The following MAN1A1 variants were observed in gnomAD, a reference collection of about 807,000 sequenced individuals.
MAN1A1 encodes mannosidase alpha class 1A member 1.
A neutral mutation model predicts 70.8 loss-of-function variants in MAN1A1; 29 were observed. The observed-to-expected ratio is 0.41, with a 90% CI of 0.31 to 0.56. MAN1A1 has a LOEUF of 0.56. MAN1A1 is among the 20% of genes least tolerant of loss of function. The pLI, the probability that MAN1A1 is intolerant of heterozygous loss-of-function variation, is 0.29. For synonymous variants in MAN1A1, 349 were observed against 330.1 expected, an observed-to-expected ratio of 1.06 and a Z score of -0.62; for missense variants, 747 against 841.3, an observed-to-expected ratio of 0.89 and a Z score of 1.39.
At chr6:119,265,102 A>ATTT (rs5879494) in intron 5 of MAN1A1, among the ~76,000 whole-genome samples, 1 of 141,514 alleles carries the variant, frequency 7.1e-6, no homozygotes, top group African/African-American at 2.7e-5. Flanking sequence ...CCTTTTTTAA[A>ATTT]TTTTTTTTTT....
chr6:119,193,171 G>GA lies in MAN1A1; in HGVS notation c.1326+605dup, dbSNP rs963053685. 9.3e-5 allele frequency among the ~76,000 whole-genome samples: 14 copies of GA among 150,542 alleles called. No individual in the cohort carries two copies. The South Asian group carries it at 2.1e-3, about 22-fold the overall frequency. On this transcript the variant is annotated intron_variant, in intron 9 of 12. Transcript: ENST00000368468. ...TAATAATCTCAAGTACTGTGAGAGA[G>GA]AAAAAAACCCAACTCCACCGCTTCA...
At chr6:119,281,271 C>G (rs1479921481) in intron 5 of MAN1A1, among the ~76,000 whole-genome samples, 4 of 152,138 alleles carry the variant, frequency 2.6e-5, no homozygotes, top group African/African-American at 9.7e-5. Context: ...GGACTCTTGA[C>G]AAAGTTATCT....
chr6:119,237,372 T>A (rs760435209), intron 6 of MAN1A1, among the ~76,000 whole-genome samples: 1 of 152,126 alleles, frequency 6.6e-6, no homozygotes, highest in Non-Finnish European at 1.5e-5. Flanking sequence ...CTAGGTGTGG[T>A]GGTGGCTCAC....
chr6:119,300,171 T>C (rs1772348781), intron 4 of MAN1A1, among the ~76,000 whole-genome samples: 1 of 152,162 alleles, frequency 6.6e-6, no homozygotes, highest in Non-Finnish European at 1.5e-5. Flanking sequence ...GTTTCATACA[T>C]AGCTAAAGAA....
chr6:119,325,988 T>C (rs1451434553), intron 2 of MAN1A1, among the ~76,000 whole-genome samples: 2 of 152,192 alleles, frequency 1.3e-5, no homozygotes, highest in Admixed American at 6.5e-5. Flanking sequence ...CAGTTTATGT[T>C]TGTTGAACAT....
chr6:119,286,422 C>T (rs1562226236), intron 5 of MAN1A1, among the ~76,000 whole-genome samples: 1 of 152,088 alleles, frequency 6.6e-6, no homozygotes, highest in Non-Finnish European at 1.5e-5. Flanking sequence ...ATCCTACTCC[C>T]CTCTGTGTTT....
chr6:119,257,303 C>T (rs565865182), intron 5 of MAN1A1, among the ~76,000 whole-genome samples: 1 of 152,130 alleles, frequency 6.6e-6, no homozygotes, highest in East Asian at 1.9e-4. Flanking sequence ...CCTTAAATAC[C>T]AGGAAGAGAA....
At chr6:119,269,268 G>T in intron 5 of MAN1A1, 2 of 285,344 alleles carry the variant, frequency 7.0e-6, no homozygotes, top group Non-Finnish European at 1.4e-5. Context: ...CTCTTCTCCT[G>T]GGTGGCTGTC....
chr6:119,340,423 T>G (rs1209010511), intron 2 of MAN1A1, among the ~76,000 whole-genome samples: 1 of 152,120 alleles, frequency 6.6e-6, no homozygotes, highest in Admixed American at 6.5e-5. Context: ...TCCTGTCACT[T>G]AGAAGAATTG....
At chr6:119,309,535 G>A (rs1582791908) in intron 2 of MAN1A1, among the ~76,000 whole-genome samples, 4 of 152,212 alleles carry the variant, frequency 2.6e-5, no homozygotes, top group African/African-American at 9.6e-5. Context: ...CTCTTCACAG[G>A]CTCCTTAGGT....
At chr6:119,196,092 C>T (rs569782525) in intron 8 of MAN1A1, among the ~76,000 whole-genome samples, 2 of 152,066 alleles carry the variant, frequency 1.3e-5, no homozygotes, top group African/African-American at 2.4e-5. Context: ...AGGATCCAGA[C>T]GTGTCATTTG....
At chr6:119,242,134 G>GACACACACACACACACAC (rs139698571) in intron 6 of MAN1A1, among the ~76,000 whole-genome samples, 38,807 of 150,476 alleles carry the variant, frequency 0.26, 5,918 homozygotes, top group Non-Finnish European at 0.34. Context: ...CAGACAGACA[G>GACACACACACACACACAC]ACACACACAC....
At chr6:119,313,132 G>A (rs1426681115) in intron 2 of MAN1A1, among the ~76,000 whole-genome samples, 1 of 152,124 alleles carries the variant, frequency 6.6e-6, no homozygotes, top group African/African-American at 2.4e-5. Context: ...AGCAATTACG[G>A]GAAAGGAAAG....
rs539111434 is a variant in MAN1A1, at chr6:119,204,030, G to A, written c.1116+729C>T. On this transcript the variant is annotated intron_variant, in intron 7 of 12. Coordinates refer to ENST00000368468, the MANE Select transcript of MAN1A1 (RefSeq NM_005907.4). ...TGTTGAGGAGGACACAAAAAAGACAGAAGGAGCATCCAGCAAAAGAGGAGA... is the reference window on the plus strand; with the variant it reads ...TGTTGAGGAGGACACAAAAAAGACAAAAGGAGCATCCAGCAAAAGAGGAGA... 5.3e-5 allele frequency among the ~76,000 whole-genome samples: 8 copies of A among 152,280 alleles called. No individual in the cohort carries two copies. In the South Asian group the frequency reaches 1.7e-3, roughly 32 times the overall value.
chr6:119,330,348 T>C (rs1300249595), intron 2 of MAN1A1, among the ~76,000 whole-genome samples: 1 of 152,106 alleles, frequency 6.6e-6, no homozygotes, highest in African/African-American at 2.4e-5. Flanking sequence ...AGAAAACCCG[T>C]GACCCAATCA....
chr6:119,193,885 T>C lies in MAN1A1; in HGVS notation c.1218A>G (p.Val406=), dbSNP rs200750695. Reference sequence around the variant, plus strand: ...AGCTGTCTCCAAGTCCTCCAACTGATACATGATCTGGAAAGAGAGGGAAAT... The same window carrying C: ...AGCTGTCTCCAAGTCCTCCAACTGACACATGATCTGGAAAGAGAGGGAAAT... ...PSSGQWGQHH[V]SVGGLGDSFY... is the part of the protein sequence containing the mutation. The change falls in exon 9 of 13, where the codon GTA becomes GTG. Residue 406 remains valine, a synonymous_variant. Transcript: ENST00000368468. The C allele has an allele frequency of 3.1e-6, 5 of 1,598,790 alleles. No individual in the cohort carries two copies. Among genetic ancestry groups the C allele is most frequent in the East Asian group, 4.5e-5 (2 of 44,686 alleles).
chr6:119,267,137 T>C (rs1562217673), intron 5 of MAN1A1, among the ~76,000 whole-genome samples: 1 of 152,128 alleles, frequency 6.6e-6, no homozygotes, highest in Non-Finnish European at 1.5e-5. Flanking sequence ...TCATTTCAGG[T>C]GGAAATGCAA....
rs144623649 is a variant in MAN1A1, at chr6:119,244,221, C to T, written c.992+4039G>A. Among the ~76,000 whole-genome samples, 247 of 151,788 alleles carry T rather than the reference C, an allele frequency of 1.6e-3. 1 individual carries two copies. Among genetic ancestry groups the T allele is most frequent in the African/African-American group, 5.6e-3 (231 of 41,454 alleles). On this transcript the variant is annotated intron_variant, in intron 6 of 12. Coordinates refer to ENST00000368468, the MANE Select transcript of MAN1A1 (RefSeq NM_005907.4). ...AGAGGTAATTTTTCTGCTTCAAGTT[C>T]GAGAAAAAAAAGCATAGGCCTCTTG... is the stretch of plus-strand genomic sequence containing the variant.
At chr6:119,319,795 C>A (rs1284399660) in intron 2 of MAN1A1, among the ~76,000 whole-genome samples, 2 of 152,178 alleles carry the variant, frequency 1.3e-5, no homozygotes, top group Non-Finnish European at 2.9e-5. Context: ...GGCCTCTTCA[C>A]AGCTAGAAGT....
Sources: allele counts gnomAD v4.1 joint callset (sites outside exome capture counted in the v4.1 genomes callset), GRCh38; gene constraint gnomAD v4.1.1; transcripts MANE v1.5; gene names NCBI Gene and HGNC (gene_info 2026-07-23, HGNC 2026-07-21).